The following SPTBN1 variants were observed in gnomAD, a reference collection of about 807,000 sequenced individuals.
The protein encoded by SPTBN1 is spectrin beta, non-erythrocytic 1.
Under a neutral mutation model 266.4 loss-of-function variants are expected in SPTBN1, and 32 were observed. The ratio of observed to expected loss-of-function variants is 0.12; its 90% CI spans 0.09 to 0.16. SPTBN1 has a LOEUF of 0.16. Ranked by LOEUF, SPTBN1 falls within the 10% of genes least tolerant of loss-of-function variation. SPTBN1 has a pLI of 1.00. For synonymous variants in SPTBN1, 1,336 were observed against 1,162.2 expected (o/e 1.15, Z -3.04); for missense variants, 2,296 against 3,067.1 (o/e 0.75, Z 5.94).
At chr2:54,604,348 CT>C (rs995023574) in intron 3 of SPTBN1, among the ~76,000 whole-genome samples, 1 of 151,598 alleles carries the variant, frequency 6.6e-6, no homozygotes, top group Non-Finnish European at 1.5e-5. Context: ...CTCTCAGAAG[CT>C]TTTTTTTTCT....
At chr2:54,493,730 A>G (rs556237848) in intron 1 of SPTBN1, among the ~76,000 whole-genome samples, 20 of 152,340 alleles carry the variant, frequency 1.3e-4, no homozygotes, top group African/African-American at 4.8e-4. Context: ...AATTTAGGTT[A>G]AAATTGAAGA....
chr2:54,564,803 A>C (rs1223382893), intron 2 of SPTBN1, among the ~76,000 whole-genome samples: 2 of 152,006 alleles, frequency 1.3e-5, no homozygotes, highest in African/African-American at 2.4e-5. Context: ...TTGATCATTC[A>C]CCTGTGATTT....
At chr2:54,491,944 A>G (rs1447833661) in intron 1 of SPTBN1, among the ~76,000 whole-genome samples, 3 of 152,128 alleles carry the variant, frequency 2.0e-5, no homozygotes, top group Non-Finnish European at 4.4e-5. Context: ...AGGCTTTGCA[A>G]ATAGGCCCTT....
At chr2:54,590,015 A>G (rs1258955197) in intron 2 of SPTBN1, among the ~76,000 whole-genome samples, 1 of 152,244 alleles carries the variant, frequency 6.6e-6, no homozygotes, top group Non-Finnish European at 1.5e-5. Flanking sequence ...TCATGTTTAA[A>G]TAATGTTGTA....
chr2:54,509,258 A>C (rs149725204), intron 1 of SPTBN1, among the ~76,000 whole-genome samples: 1 of 152,198 alleles, frequency 6.6e-6, no homozygotes, highest in Non-Finnish European at 1.5e-5. Flanking sequence ...CAGTCATGGG[A>C]GTCAGATGTA....
intron 2 of SPTBN1, among the ~76,000 whole-genome samples, chr2:54,572,981 G>A (rs1021582865): frequency 9.9e-5 from 15 of 152,148 alleles, no homozygotes; most frequent in African/African-American, 2.2e-4. Context: ...TTGCCACAGC[G>A]TGCTGGGAAT....
intron 1 of SPTBN1, among the ~76,000 whole-genome samples, chr2:54,508,783 T>C (rs1287955361): frequency 6.6e-6 from 1 of 152,206 alleles, no homozygotes; most frequent in East Asian, 1.9e-4. Flanking sequence ...ATAGGCGTTG[T>C]CCAGAGCAAT....
chr2:54,485,715 T>C (rs911415633), intron 1 of SPTBN1, among the ~76,000 whole-genome samples: 6 of 150,872 alleles, frequency 4.0e-5, no homozygotes, highest in African/African-American at 1.5e-4. Context: ...GGAGCGTCTC[T>C]GCCCGGCCGC....
At chr2:54,459,348 C>G (rs1464987660) in intron 1 of SPTBN1, among the ~76,000 whole-genome samples, 1 of 152,166 alleles carries the variant, frequency 6.6e-6, no homozygotes, top group Non-Finnish European at 1.5e-5. Flanking sequence ...ATGAGAAGAC[C>G]TCCCTCTACT....
chr2:54,471,826 C>A (rs1472261516), intron 1 of SPTBN1, among the ~76,000 whole-genome samples: 1 of 56,020 alleles, frequency 1.8e-5, no homozygotes, highest in East Asian at 8.0e-4. Flanking sequence ...TTTTGCTGTT[C>A]CAACTGTCTT....
In SPTBN1 at chr2:54,668,244, T is replaced by A. The variant is rs1032328945; in HGVS notation, c.6877-107T>A. On this transcript the variant is annotated intron_variant, in intron 35 of 35. Coordinates refer to ENST00000356805, the MANE Select transcript of SPTBN1 (RefSeq NM_003128.3). ...TTTGGGGACAGTGCCCAGAAGTGAC[T>A]CTGCTTACCCCTCAGTTGGCCAGAT... 22 of 1,038,806 alleles carry A rather than the reference T, an allele frequency of 2.1e-5. No homozygotes were observed. The African/African-American group carries it at 3.2e-4, about 15-fold the overall frequency. 64.3% of individuals were successfully genotyped at this position (1,038,806 alleles called of 1,614,324 possible).
chr2:54,569,978 C>CA (rs891726787), intron 2 of SPTBN1, among the ~76,000 whole-genome samples: 12 of 149,640 alleles, frequency 8.0e-5, no homozygotes, highest in South Asian at 2.2e-4. Flanking sequence ...CATTCCCCCC[C>CA]CCCTTTAGAA....
At chr2:54,668,272 G>T in intron 35 of SPTBN1, 79 bp from the exon 36 acceptor site, 1 of 1,425,562 alleles carries the variant, frequency 7.0e-7, no homozygotes, top group Non-Finnish European at 9.8e-7. Context: ...GGCCAGATGC[G>T]CCATTCCCAA....
At chr2:54,457,259 C>T (rs1317290220) in intron 1 of SPTBN1, 3 of 152,170 alleles carry the variant, frequency 2.0e-5, no homozygotes, top group Non-Finnish European at 4.4e-5. Context: ...CTGCCACCCT[C>T]TCTTCAACAG....
At chr2:54,581,946 T>TC (rs1158176255) in intron 2 of SPTBN1, among the ~76,000 whole-genome samples, 2 of 152,178 alleles carry the variant, frequency 1.3e-5, no homozygotes, top group East Asian at 3.9e-4. Flanking sequence ...ACTTCATTCT[T>TC]CTGTAGCTGC....
In SPTBN1 at chr2:54,626,001, A is replaced by G. The variant is rs754714514; in HGVS notation, c.1411A>G (p.Ile471Val). 1.2e-6 allele frequency: 2 copies of G among 1,614,168 alleles called. No individual in the cohort carries two copies. Among genetic ancestry groups the G allele is most frequent in the Non-Finnish European group, 1.7e-6 (2 of 1,180,044 alleles). ...TKKHEAIETDIAAYEERVQAV... is the reference protein window; with the variant it reads ...TKKHEAIETDVAAYEERVQAV... ...AAAGCACGAGGCCATTGAGACAGAC[A>G]TTGCCGCATACGAGGAGCGTGTGCA... Residue 471 changes from isoleucine to valine, a missense_variant, in exon 12 of 36, where the codon ATT becomes GTT. Coordinates refer to ENST00000356805, the MANE Select transcript of SPTBN1 (RefSeq NM_003128.3). This position sits in a 1 kb window ranked among gnomAD's most constrained non-coding sequence, Gnocchi z 4.7.
intron 2 of SPTBN1, among the ~76,000 whole-genome samples, chr2:54,551,540 G>C (rs920295734): frequency 6.6e-6 from 1 of 152,254 alleles, no homozygotes; most frequent in Non-Finnish European, 1.5e-5. Flanking sequence ...TCATTCCCCA[G>C]GACCTTGGGT....
chr2:54,473,829 A>G (rs1694049846), intron 1 of SPTBN1, among the ~76,000 whole-genome samples: 1 of 152,242 alleles, frequency 6.6e-6, no homozygotes, highest in Non-Finnish European at 1.5e-5. Context: ...TTACACATGT[A>G]TATGGGATGT....
At chr2:54,525,722 C>T (rs753210301) in intron 1 of SPTBN1, among the ~76,000 whole-genome samples, 6 of 152,110 alleles carry the variant, frequency 3.9e-5, no homozygotes, top group Non-Finnish European at 2.9e-5. Context: ...GATCTACCTC[C>T]GATAACATTT....
Sources: allele counts gnomAD v4.1 joint callset (sites outside exome capture counted in the v4.1 genomes callset), GRCh38; gene constraint gnomAD v4.1.1; non-coding constraint Gnocchi (gnomAD v3.1); transcripts MANE v1.5; gene names NCBI Gene and HGNC (gene_info 2026-07-23, HGNC 2026-07-21).